The following PKNOX2 variants were observed in gnomAD, a reference collection of about 807,000 sequenced individuals.
The protein encoded by PKNOX2 is homeobox protein PKNOX2.
Under a neutral mutation model 53.1 loss-of-function variants are expected in PKNOX2, and 14 were observed. The ratio of observed to expected loss-of-function variants is 0.26; its 90% confidence interval spans 0.17 to 0.41. PKNOX2 has a LOEUF of 0.41. Ranked by LOEUF, PKNOX2 falls within the 10% of genes least tolerant of loss-of-function variation. PKNOX2 has a pLI of 1.00. For missense variants in PKNOX2, 496 were observed against 602.8 expected, an observed-to-expected ratio of 0.82 and a Z score of 1.85; for synonymous variants, 257 against 242.8, an observed-to-expected ratio of 1.06 and a Z score of -0.54.
chr11:125,231,259 C>T (rs765350282), intron 1 of PKNOX2, among the ~76,000 whole-genome samples: 1 of 152,190 alleles, frequency 6.6e-6, no homozygotes, highest in South Asian at 2.1e-4. Flanking sequence ...TTCATAGATG[C>T]CTGCACAGCT....
chr11:125,378,966 A>T (rs2135324058), intron 5 of PKNOX2, among the ~76,000 whole-genome samples: 1 of 149,058 alleles, frequency 6.7e-6, no homozygotes, highest in East Asian at 2.0e-4. Flanking sequence ...AAGAAGGAAG[A>T]AATGTTTGTT....
At chr11:125,318,936 C>T (rs1949364702) in intron 2 of PKNOX2, among the ~76,000 whole-genome samples, 1 of 152,184 alleles carries the variant, frequency 6.6e-6, no homozygotes, top group Non-Finnish European at 1.5e-5. Flanking sequence ...CCTTCACCTT[C>T]CACCATGATT....
intron 7 of PKNOX2, among the ~76,000 whole-genome samples, chr11:125,408,245 C>T (rs1049867411): frequency 2.6e-5 from 4 of 152,208 alleles, no homozygotes; most frequent in African/African-American, 9.6e-5. Flanking sequence ...TCCAGGGGCT[C>T]TTCCAGTTTC....
At chr11:125,246,713 T>C (rs879531784) in intron 2 of PKNOX2, among the ~76,000 whole-genome samples, 1 of 152,194 alleles carries the variant, frequency 6.6e-6, no homozygotes, top group Non-Finnish European at 1.5e-5. Flanking sequence ...AGGGAAATGT[T>C]AGGCATGCTT....
At chr11:125,299,441 G>A (rs575612546) in intron 2 of PKNOX2, among the ~76,000 whole-genome samples, 1 of 152,200 alleles carries the variant, frequency 6.6e-6, no homozygotes, top group East Asian at 1.9e-4. Flanking sequence ...CCTCTCAGCT[G>A]TCTCGGTGGA....
Position 125,433,166 on chromosome 11 carries a change from C to A in PKNOX2, c.*1774C>A, listed in dbSNP as rs992356639. ...ATAAAATGCATTTCCTTTTCTGGTT[C>A]GTTTTTCTTGTTAACACGCGCACAC... On this transcript the variant is annotated 3_prime_UTR_variant, in exon 13 of 13. Transcript: ENST00000298282. 2 of 152,574 alleles carry A rather than the reference C, an allele frequency of 1.3e-5. No individual in the cohort carries two copies. Among genetic ancestry groups the A allele is most frequent in the African/African-American group, 4.8e-5 (2 of 41,416 alleles). The allele number at this position is 152,574 out of a possible 1,614,324, so 9.5% of individuals were successfully genotyped here. A position where few individuals can be genotyped will look rare whatever the true frequency, so the allele number is the denominator to read the frequency against.
chr11:125,267,513 C>A (rs937797601), intron 2 of PKNOX2, among the ~76,000 whole-genome samples: 1 of 152,208 alleles, frequency 6.6e-6, no homozygotes, highest in African/African-American at 2.4e-5. Flanking sequence ...AGGGATTCTG[C>A]TCTCCAGGCC....
In PKNOX2 at chr11:125,166,515, C is replaced by T. The variant is rs1954888244; in HGVS notation, c.-201+1739C>T. 6.6e-6 allele frequency among the ~76,000 whole-genome samples: 1 copy of T among 152,146 alleles called. No individual in the cohort carries two copies. The highest frequency in any genetic ancestry group is 2.4e-5 in the African/African-American group (1 of 41,452). On this transcript the variant is annotated intron_variant, in intron 1 of 12. Transcript: ENST00000298282. This position sits in a 1 kb window ranked among gnomAD's most constrained non-coding sequence, Gnocchi z 4.0. Reference sequence around the variant, plus strand: ...GGGGCTGGGAGTGGATCTGAGGTCCCGACCCAGGCGGCTCGGAGTGCTCCA... The same window carrying T: ...GGGGCTGGGAGTGGATCTGAGGTCCTGACCCAGGCGGCTCGGAGTGCTCCA...
intron 3 of PKNOX2, among the ~76,000 whole-genome samples, chr11:125,332,381 C>T (rs779912962): frequency 1.3e-5 from 2 of 152,164 alleles, no homozygotes; most frequent in Non-Finnish European, 2.9e-5. Context: ...CAGGAACCTG[C>T]ACCCCAAATC....
In PKNOX2 at chr11:125,411,950, T is replaced by A. The variant is rs1055344202; in HGVS notation, c.936+85T>A. The A allele has an allele frequency of 7.6e-6, 12 of 1,585,160 alleles. No homozygotes were observed. The Admixed American group carries it at 2.0e-4, about 27-fold the overall frequency. On this transcript the variant is annotated intron_variant, in intron 10 of 12. Transcript: ENST00000298282. ...GTGGGTACCAGACTCTGCTGTCGGC[T>A]CCAAACCCACAGACAGAGGGCGCGG...
chr11:125,401,766 A>AGT (rs370503272), intron 7 of PKNOX2, among the ~76,000 whole-genome samples: 4,917 of 149,274 alleles, frequency 0.033, 156 homozygotes, highest in African/African-American at 0.077. Flanking sequence ...GGAGCTTGTG[A>AGT]GTGTGTGTGT....
At chr11:125,409,096 T>G (rs1340463114) in intron 7 of PKNOX2, among the ~76,000 whole-genome samples, 1 of 152,152 alleles carries the variant, frequency 6.6e-6, no homozygotes, top group Non-Finnish European at 1.5e-5. Flanking sequence ...GCTAAGAGAC[T>G]CAGGCAGGCC....
chr11:125,224,004 CAT>C (rs1941452897), intron 1 of PKNOX2, among the ~76,000 whole-genome samples: 1 of 152,266 alleles, frequency 6.6e-6, no homozygotes, highest in Non-Finnish European at 1.5e-5. Flanking sequence ...CGATCTTGCA[CAT>C]GAGTCTTGAG....
chr11:125,224,153 G>A (rs1160620033), intron 1 of PKNOX2, among the ~76,000 whole-genome samples: 1 of 152,240 alleles, frequency 6.6e-6, no homozygotes, highest in Non-Finnish European at 1.5e-5. Flanking sequence ...CCTTCCTGCA[G>A]CCCAACAGAG....
At chr11:125,279,638 G>C (rs1946418314) in intron 2 of PKNOX2, among the ~76,000 whole-genome samples, 1 of 152,182 alleles carries the variant, frequency 6.6e-6, no homozygotes, top group Non-Finnish European at 1.5e-5. Context: ...CTCAGAAGTG[G>C]AACGCAGGGG....
intron 1 of PKNOX2, among the ~76,000 whole-genome samples, chr11:125,198,634 C>G (rs1274400754): frequency 6.6e-6 from 1 of 152,092 alleles, no homozygotes; most frequent in African/African-American, 2.4e-5. Flanking sequence ...AGTTTCCGAC[C>G]TGTGATAACA....
intron 2 of PKNOX2, among the ~76,000 whole-genome samples, chr11:125,288,653 G>T (rs1206064889): frequency 6.6e-6 from 1 of 152,200 alleles, no homozygotes; most frequent in African/African-American, 2.4e-5. Flanking sequence ...ACTGGCAGAG[G>T]CACGTCTCCC....
chr11:125,300,548 G>T (rs965935052), intron 2 of PKNOX2, among the ~76,000 whole-genome samples: 1 of 152,230 alleles, frequency 6.6e-6, no homozygotes, highest in African/African-American at 2.4e-5. Context: ...AGGAGGAAAG[G>T]TGTGTGCGTG....
rs1022598986 is a variant in PKNOX2, at chr11:125,189,455, A to G, written c.-201+24679A>G. 3.0e-3 allele frequency among the ~76,000 whole-genome samples: 242 copies of G among 80,430 alleles called. 1 individual carries two copies. Among genetic ancestry groups the G allele is most frequent in the African/African-American group, 0.014 (226 of 15,616 alleles). 52.8% of individuals were successfully genotyped at this position (80,430 alleles called of 152,430 possible). On this transcript the variant is annotated intron_variant, in intron 1 of 12. Coordinates refer to ENST00000298282, the MANE Select transcript of PKNOX2 (RefSeq NM_001382323.2). ...TGTGTGTGTGTGTGTGTGTATATAT[A>G]TATATATATATATATATATATATAT...
Sources: gnomAD v4.1 joint callset for allele counts (sites outside exome capture counted in the v4.1 genomes callset) on GRCh38, gnomAD v4.1.1 for gene constraint, Gnocchi (gnomAD v3.1) non-coding constraint, MANE v1.5 for transcripts, NCBI Gene and HGNC (gene_info 2026-07-23, HGNC 2026-07-21) for gene names.